The following SEM1 variants were observed in gnomAD, a reference collection of about 807,000 sequenced individuals.
SEM1 encodes the protein 26S proteasome complex subunit SEM1.
In SEM1, 3 loss-of-function variants were observed where a neutral mutation model predicts 12.7. That is an observed-to-expected ratio of 0.24 (90% CI 0.11 to 0.61). The LOEUF (loss-of-function observed/expected upper bound fraction) is 0.61, where lower values mean the gene tolerates loss of function less well. Among genes scored for constraint, SEM1 ranks in the 20% least tolerant of loss-of-function variants. The probability of loss-of-function intolerance (pLI) is 0.88; values close to 1 mark genes in which losing one functional copy is unlikely to be tolerated. For synonymous variants in SEM1, 30 were observed against 27.8 expected (o/e 1.08, Z -0.25); for missense variants, 59 against 81.3 (o/e 0.73, Z 1.06).
intron 2 of SEM1, among the ~76,000 whole-genome samples, chr7:96,614,621 ACG>A (rs1227576180): frequency 6.6e-6 from 1 of 152,208 alleles, no homozygotes; most frequent in Admixed American, 6.5e-5. Flanking sequence ...ACAGAGAAGC[ACG>A]CCTTAGCTCC....
intron 2 of SEM1, among the ~76,000 whole-genome samples, chr7:96,540,585 A>G (rs1313880914): frequency 6.6e-6 from 1 of 151,866 alleles, no homozygotes; most frequent in Non-Finnish European, 1.5e-5. Flanking sequence ...ACCTTTGTAA[A>G]TCAATAAGAA....
intron 2 of SEM1, among the ~76,000 whole-genome samples, chr7:96,675,617 GGT>G (rs754644655): frequency 4.6e-5 from 7 of 152,096 alleles, no homozygotes; most frequent in Non-Finnish European, 5.9e-5. Flanking sequence ...AATGGCGTGT[GGT>G]CTTAGTGGGA....
rs1790592016 is a variant in SEM1, at chr7:96,709,743, C to G, written c.21G>C (p.Pro7=). The G allele has an allele frequency of 1.9e-6, 3 of 1,613,956 alleles. No homozygotes were observed. The highest frequency in any genetic ancestry group is 2.5e-6 in the Non-Finnish European group (3 of 1,179,928). The change falls in exon 1 of 3, where the codon CCG becomes CCC. Residue 7 remains proline (P), a synonymous_variant. Coordinates refer to ENST00000248566, the MANE Select transcript of SEM1 (RefSeq NM_006304.2). MSEKKQ[P]VDLGLLEEDD... ...CTTCCTCTAACAGACCTAAGTCTAC[C>G]GGCTGCTTTTTCTCTGACATCTCGA...
intron 1 of SEM1, among the ~76,000 whole-genome samples, chr7:96,698,425 C>CG (rs1364573257): frequency 1.6e-5 from 2 of 128,180 alleles, no homozygotes; most frequent in Non-Finnish European, 1.6e-5. Flanking sequence ...GCTTCCCACC[C>CG]CGACAGGCCC....
intron 2 of SEM1, among the ~76,000 whole-genome samples, chr7:96,485,490 T>C (rs928047106): frequency 6.6e-6 from 1 of 150,878 alleles, no homozygotes; most frequent in African/African-American, 2.4e-5. Flanking sequence ...TGTGATTGCT[T>C]TGGGCCCACC....
chr7:96,669,767 T>C (rs1789265467), downstream of SEM1, among the ~76,000 whole-genome samples: 1 of 152,236 alleles, frequency 6.6e-6, no homozygotes, highest in Non-Finnish European at 1.5e-5. Context: ...TCAAAATGCA[T>C]GATAGTGTAG....
At chr7:96,645,417 A>G (rs1355715799) in intron 2 of SEM1, 4 of 202,942 alleles carry the variant, frequency 2.0e-5, no homozygotes, top group African/African-American at 9.2e-5. Flanking sequence ...AAAGTAGGTC[A>G]GGGAAGTATT....
intron 2 of SEM1, among the ~76,000 whole-genome samples, chr7:96,526,030 A>G (rs890321993): frequency 1.8e-4 from 28 of 152,072 alleles, no homozygotes; most frequent in African/African-American, 5.3e-4. Flanking sequence ...CATGACCTCA[A>G]TTCATTTTAA....
At chr7:96,682,236 G>A (rs570037343) in intron 2 of SEM1, among the ~76,000 whole-genome samples, 8 of 152,182 alleles carry the variant, frequency 5.3e-5, no homozygotes, top group African/African-American at 1.9e-4. Context: ...CATTGATTAT[G>A]TATCCTGATA....
intron 2 of SEM1, among the ~76,000 whole-genome samples, chr7:96,546,450 T>A (rs1805105885): frequency 6.6e-6 from 1 of 152,214 alleles, no homozygotes; most frequent in South Asian, 2.1e-4. Context: ...ATTTATATAA[T>A]CCTCCACATC....
chr7:96,491,704 T>C (rs1803016160), intron 1 of SEM1, among the ~76,000 whole-genome samples: 1 of 152,182 alleles, frequency 6.6e-6, no homozygotes, highest in Non-Finnish European at 1.5e-5. Context: ...ATATCTTTGC[T>C]CTCTGACAGC....
chr7:96,552,382 T>G (rs1805311577), intron 2 of SEM1, among the ~76,000 whole-genome samples: 1 of 151,926 alleles, frequency 6.6e-6, no homozygotes, highest in African/African-American at 2.4e-5. Context: ...GATGTTCCCC[T>G]TCCTGTGTCC....
chr7:96,664,489 C>T (rs1170349541), intron 2 of SEM1, among the ~76,000 whole-genome samples: 1 of 152,206 alleles, frequency 6.6e-6, no homozygotes, highest in African/African-American at 2.4e-5. Flanking sequence ...TTGCATCTCT[C>T]TGATCAATTC....
intron 2 of SEM1, among the ~76,000 whole-genome samples, chr7:96,531,648 G>A (rs551642427): frequency 6.7e-6 from 1 of 150,258 alleles, no homozygotes; most frequent in African/African-American, 2.4e-5. Flanking sequence ...TTATTCATAT[G>A]TCTATCAATC....
intron 2 of SEM1, among the ~76,000 whole-genome samples, chr7:96,596,595 G>A (rs527679062): frequency 6.6e-6 from 1 of 152,054 alleles, no homozygotes; most frequent in Admixed American, 6.6e-5. Flanking sequence ...GTGGTTACCC[G>A]ACTTAAAACC....
intron 2 of SEM1, among the ~76,000 whole-genome samples, chr7:96,569,635 C>T (rs954279505): frequency 3.3e-5 from 5 of 152,012 alleles, no homozygotes; most frequent in Non-Finnish European, 5.9e-5. Flanking sequence ...CTGTTTTTAG[C>T]GTAGTCATCA....
chr7:96,631,768 A>G (rs1285542087), intron 2 of SEM1, among the ~76,000 whole-genome samples: 3 of 152,218 alleles, frequency 2.0e-5, no homozygotes, highest in Admixed American at 2.0e-4. Flanking sequence ...TGAACAGGCA[A>G]CCTACAGAAT....
At chr7:96,575,208 C>T (rs1806166661) in intron 2 of SEM1, among the ~76,000 whole-genome samples, 1 of 152,172 alleles carries the variant, frequency 6.6e-6, no homozygotes, top group Non-Finnish European at 1.5e-5. Flanking sequence ...AGTTTTCCTT[C>T]TAACAGTCAG....
intron 2 of SEM1, among the ~76,000 whole-genome samples, chr7:96,608,544 C>T (rs1490641859): frequency 1.3e-5 from 2 of 152,140 alleles, no homozygotes. Context: ...TCCATAATCC[C>T]ATAAAGAAGC....
Sources: gnomAD v4.1 joint callset for allele counts (sites outside exome capture counted in the v4.1 genomes callset) on GRCh38, gnomAD v4.1.1 for gene constraint, MANE v1.5 for transcripts, NCBI Gene and HGNC (gene_info 2026-07-23, HGNC 2026-07-21) for gene names.